Variants in DLG1 observed in about 807,000 individuals in gnomAD.
The protein encoded by DLG1 is discs large MAGUK scaffold protein 1.
Under a neutral mutation model 123.4 loss-of-function variants are expected in DLG1, and 42 were observed. That is an observed-to-expected ratio of 0.34 (90% confidence interval 0.27 to 0.44). DLG1 has a LOEUF of 0.44. DLG1 is among the 20% of genes least tolerant of loss of function. The pLI, the probability that DLG1 is intolerant of heterozygous loss-of-function variation, is 1.00. For synonymous variants in DLG1, 317 were observed against 356.2 expected (o/e 0.89, Z 1.24); for missense variants, 942 against 1,082.6 (o/e 0.87, Z 1.82).
chr3:197,169,930 C>T (rs1301406379), intron 5 of DLG1, among the ~76,000 whole-genome samples: 2 of 152,272 alleles, frequency 1.3e-5, no homozygotes, highest in Admixed American at 1.3e-4. Context: ...ACCCCTCACA[C>T]CGGCCCCAGT....
At chr3:197,152,340 C>T (rs1577140507) in intron 5 of DLG1, among the ~76,000 whole-genome samples, 1 of 151,616 alleles carries the variant, frequency 6.6e-6, no homozygotes, top group East Asian at 1.9e-4. Flanking sequence ...AGACTCTTTC[C>T]AAGTCTTTTA....
chr3:197,053,194 T>C (rs532246553), intron 23 of DLG1, among the ~76,000 whole-genome samples: 3 of 152,320 alleles, frequency 2.0e-5, no homozygotes, highest in Non-Finnish European at 4.4e-5. Flanking sequence ...AAGGAAAGCC[T>C]TCAATATTTT....
rs573011683 is a variant in DLG1, at chr3:197,218,740, C to G, written c.319-24151G>C. Reference sequence around the variant, plus strand: ...AACAATGTAAATTATGACTAGGTTCCTAAAGCCAACCCATAAAAAGCCCAC... The same window carrying G: ...AACAATGTAAATTATGACTAGGTTCGTAAAGCCAACCCATAAAAAGCCCAC... On this transcript the variant is annotated intron_variant, in intron 4 of 24. Transcript: ENST00000667157. Among the ~76,000 whole-genome samples the G allele has an allele frequency of 4.6e-5, 7 of 152,258 alleles. No homozygotes were observed. The South Asian group carries it at 1.5e-3, about 32-fold the overall frequency.
At chr3:197,055,177 A>G (rs1730805521) in intron 23 of DLG1, among the ~76,000 whole-genome samples, 1 of 152,122 alleles carries the variant, frequency 6.6e-6, no homozygotes, top group African/African-American at 2.4e-5. Flanking sequence ...GTCTTGAACC[A>G]CGGAGTTCAA....
intron 18 of DLG1, chr3:197,069,698 T>C (rs1386693987): frequency 6.6e-6 from 1 of 152,578 alleles, no homozygotes; most frequent in African/African-American, 2.4e-5. Context: ...TAAAAATAAA[T>C]AGATGATCTT....
chr3:197,090,115 A>G (rs184920497), intron 15 of DLG1, among the ~76,000 whole-genome samples: 7 of 152,282 alleles, frequency 4.6e-5, no homozygotes, highest in Admixed American at 4.6e-4. Flanking sequence ...GATAAATGAA[A>G]CGTATTAGGA....
At chr3:197,230,881 A>G (rs1327811486) in intron 4 of DLG1, among the ~76,000 whole-genome samples, 3 of 152,236 alleles carry the variant, frequency 2.0e-5, no homozygotes, top group Non-Finnish European at 4.4e-5. Flanking sequence ...GAATAAAATG[A>G]TAGTAGTATC....
At chr3:197,056,687 C>A (rs1033663549) in intron 23 of DLG1, among the ~76,000 whole-genome samples, 16 of 152,276 alleles carry the variant, frequency 1.1e-4, no homozygotes, top group Admixed American at 3.3e-4. Context: ...GTTTCAAACA[C>A]AGATGAGCAA....
intron 5 of DLG1, among the ~76,000 whole-genome samples, chr3:197,189,307 T>C (rs1717907805): frequency 6.6e-6 from 1 of 152,240 alleles, no homozygotes; most frequent in South Asian, 2.1e-4. Flanking sequence ...CAATATTATG[T>C]ATCAAGTTTA....
intron 4 of DLG1, among the ~76,000 whole-genome samples, chr3:197,278,479 CAAAA>C (rs1033961034): frequency 6.7e-6 from 1 of 150,270 alleles, no homozygotes; most frequent in Non-Finnish European, 1.5e-5. Flanking sequence ...TCTAAAAAAA[CAAAA>C]AAAGTAGTAC....
chr3:197,185,521 G>T (rs1715403962), intron 5 of DLG1, among the ~76,000 whole-genome samples: 1 of 152,120 alleles, frequency 6.6e-6, no homozygotes, highest in South Asian at 2.1e-4. Flanking sequence ...ATCTAATTCG[G>T]AGTAGAGAAT....
intron 3 of DLG1, among the ~76,000 whole-genome samples, chr3:197,291,300 TACACACACACACACACACACACAC>T (rs33920543): frequency 1.4e-5 from 2 of 143,290 alleles, no homozygotes; most frequent in Non-Finnish European, 1.5e-5. Flanking sequence ...CCTACAAAGT[TACACACACACACACACACACACAC>T]ACACACACAC....
At chr3:197,207,108 C>T (rs953629101) in intron 4 of DLG1, among the ~76,000 whole-genome samples, 4 of 152,294 alleles carry the variant, frequency 2.6e-5, no homozygotes, top group South Asian at 4.1e-4. Flanking sequence ...GGGAAGCAGA[C>T]GGCCCACAGA....
chr3:197,188,482 C>G (rs1302114863), intron 5 of DLG1, among the ~76,000 whole-genome samples: 1 of 152,190 alleles, frequency 6.6e-6, no homozygotes, highest in Non-Finnish European at 1.5e-5. Flanking sequence ...CTTGACACAA[C>G]TAATATCCTA....
Position 197,287,011 on chromosome 3 carries a change from G to A in DLG1, c.152-4166C>T, listed in dbSNP as rs185204547. Among the ~76,000 whole-genome samples the A allele has an allele frequency of 2.6e-4, 40 of 151,700 alleles. No individual in the cohort carries two copies. The East Asian group carries it at 6.6e-3, about 25-fold the overall frequency. Reference sequence around the variant, plus strand: ...CCTCAGGCTCCCAAGCAGCTGGGACGACAGGTGCATGCCACCATGCCTGGT... The same window carrying A: ...CCTCAGGCTCCCAAGCAGCTGGGACAACAGGTGCATGCCACCATGCCTGGT... On this transcript the variant is annotated intron_variant, in intron 3 of 24. Transcript: ENST00000667157.
intron 23 of DLG1, among the ~76,000 whole-genome samples, chr3:197,056,284 C>T (rs1210236272): frequency 6.6e-6 from 1 of 152,174 alleles, no homozygotes; most frequent in Non-Finnish European, 1.5e-5. Flanking sequence ...TTTTTAAATG[C>T]TGCAGCAGTG....
chr3:197,053,530 G>A (rs947869807), intron 23 of DLG1, among the ~76,000 whole-genome samples: 3 of 152,058 alleles, frequency 2.0e-5, no homozygotes, highest in Non-Finnish European at 4.4e-5. Flanking sequence ...CCAGCACTTT[G>A]GGAGGCCGAG....
chr3:197,143,491 C>T (rs1032235809), intron 6 of DLG1, among the ~76,000 whole-genome samples: 49 of 152,042 alleles, frequency 3.2e-4, no homozygotes, highest in Non-Finnish European at 5.4e-4. Context: ...CTTCTGACCT[C>T]GTGATCCACC....
At chr3:197,167,334 A>G (rs904886672) in intron 5 of DLG1, among the ~76,000 whole-genome samples, 1 of 152,222 alleles carries the variant, frequency 6.6e-6, no homozygotes, top group Non-Finnish European at 1.5e-5. Context: ...TCCTGTTGCC[A>G]AGTGAAACGT....
Sources: gnomAD v4.1 joint callset for allele counts (sites outside exome capture counted in the v4.1 genomes callset) on GRCh38, gnomAD v4.1.1 for gene constraint, MANE v1.5 for transcripts, NCBI Gene and HGNC (gene_info 2026-07-23, HGNC 2026-07-21) for gene names.